WTAP: variants seen among roughly 807,000 people sequenced by gnomAD.
WTAP encodes the protein pre-mRNA-splicing regulator WTAP.
In WTAP, 8 loss-of-function variants were observed where a neutral mutation model predicts 50.0. The observed-to-expected ratio is 0.16, with a 90% CI of 0.09 to 0.29. The LOEUF (loss-of-function observed/expected upper bound fraction) is 0.29, where lower values mean the gene tolerates loss of function less well. WTAP is among the 10% of genes least tolerant of loss of function. The pLI, the probability that WTAP is intolerant of heterozygous loss-of-function variation, is 1.00. For missense variants in WTAP, 295 were observed against 470.7 expected (o/e 0.63, Z 3.45); for synonymous variants, 194 against 169.0 (o/e 1.15, Z -1.15).
intron 6 of WTAP, 94 bp from the exon 7 acceptor site, chr6:159,753,365 AT>A (rs778187390): frequency 1.3e-6 from 2 of 1,531,048 alleles, no homozygotes; most frequent in Non-Finnish European, 1.8e-6. Flanking sequence ...TGATATAGTT[AT>A]GTTTGTATGT....
intron 7 of WTAP, 36 bp downstream of exon 7, chr6:159,753,650 A>G (rs764819544): frequency 8.3e-6 from 13 of 1,572,758 alleles, no homozygotes; most frequent in East Asian, 2.2e-5. Context: ...CGTTGTCTCA[A>G]CTTTGCATTG....
chr6:159,741,912 G>A (rs927724360), intron 3 of WTAP, 176 bp from the exon 4 acceptor site: 4 of 506,824 alleles, frequency 7.9e-6, no homozygotes, highest in African/African-American at 2.0e-5. Context: ...TTTGCGCCAC[G>A]CTGCACTCCA....
intron 5 of WTAP, among the ~76,000 whole-genome samples, chr6:159,744,975 C>G (rs1040443432): frequency 1.3e-5 from 2 of 152,230 alleles, no homozygotes; most frequent in African/African-American, 4.8e-5. Context: ...GCCATCGCAC[C>G]TGGCCCATTA....
rs373091555 is a variant in WTAP, at chr6:159,742,157, G to C, written c.145+11G>C. On this transcript the variant is annotated intron_variant, in intron 4 of 7. Transcript: ENST00000621533. ...ACACAGATCTTAACTGTAAGTTTGA[G>C]TTTTAGCTTCCTAAAGACTGAATAA... 1.1e-4 allele frequency: 174 copies of C among 1,595,878 alleles called. No homozygotes were observed. In the African/African-American group the frequency reaches 2.0e-3, roughly 19 times the overall value.
At chr6:159,753,852 T>C (rs1583109834) in intron 7 of WTAP, among the ~76,000 whole-genome samples, 2 of 152,338 alleles carry the variant, frequency 1.3e-5, no homozygotes, top group South Asian at 2.1e-4. Flanking sequence ...TTTTTGTTTT[T>C]AGTTGGGGGT....
intron 1 of WTAP, among the ~76,000 whole-genome samples, chr6:159,732,046 C>T (rs1180552982): frequency 6.6e-6 from 1 of 152,102 alleles, no homozygotes; most frequent in Non-Finnish European, 1.5e-5. Flanking sequence ...TTGCCAAAAT[C>T]CTGGCATAGG....
At chr6:159,747,309 G>A (rs566957760) in intron 5 of WTAP, among the ~76,000 whole-genome samples, 1 of 152,280 alleles carries the variant, frequency 6.6e-6, no homozygotes, top group East Asian at 1.9e-4. Flanking sequence ...GTTCTGGTAT[G>A]GTGGAAAAAG....
In WTAP at chr6:159,740,641, A is replaced by G. The variant is rs78761068; in HGVS notation, c.87-1447A>G. Among the ~76,000 whole-genome samples the G allele has an allele frequency of 5.5e-3, 842 of 151,912 alleles. 11 individuals are homozygous for G. Among genetic ancestry groups the G allele is most frequent in the Middle Eastern group, 6.9e-3 (2 of 290 alleles). ...AAATAAAGCATGGCCTTGGCTGAAC[A>G]TCAGTGTTTACATAGAAAGTGGATT... On this transcript the variant is annotated intron_variant, in intron 3 of 7. Transcript: ENST00000621533.
chr6:159,737,358 A>G (rs778654736), intron 2 of WTAP, among the ~76,000 whole-genome samples: 1 of 152,070 alleles, frequency 6.6e-6, no homozygotes, highest in Non-Finnish European at 1.5e-5. Flanking sequence ...GCCTTTCAAT[A>G]TGTTACATTA....
intron 4 of WTAP, among the ~76,000 whole-genome samples, 173 bp downstream of exon 4, chr6:159,742,319 TCTCAGTCATTGGAGAAGA>T (rs1192376890): frequency 6.6e-6 from 1 of 152,186 alleles, no homozygotes; most frequent in African/African-American, 2.4e-5. Flanking sequence ...TGAGACACAG[TCTCAGTCATTGGAGAAGA>T]CAGAGGTGTA....
rs1778517881 is a variant in WTAP at position 159,730,783 on chromosome 6, T to C, written c.-9+3080T>C. On this transcript the variant is annotated intron_variant, in intron 1 of 7. Transcript: ENST00000621533. ...AGTTGACTTAGGAAGTGTAGACATTTATCCAAAATCTGTATTTACTCCTGA... is the reference window on the plus strand; with the variant it reads ...AGTTGACTTAGGAAGTGTAGACATTCATCCAAAATCTGTATTTACTCCTGA... 5 of 152,238 alleles carry C rather than the reference T, an allele frequency of 3.3e-5. 1 individual carries two copies. In the South Asian group the frequency reaches 8.3e-4, roughly 25 times the overall value. The allele number at this position is 152,238 out of a possible 1,614,324, so 9.4% of individuals were successfully genotyped here. A position where few individuals can be genotyped will look rare whatever the true frequency, so the allele number is the denominator to read the frequency against.
At chr6:159,727,774 C>A (rs1159402584) in intron 1 of WTAP, 71 bp downstream of exon 1, 1 of 971,388 alleles carries the variant, frequency 1.0e-6, no homozygotes, top group Admixed American at 6.2e-5. Flanking sequence ...GCGCAGCCGC[C>A]CCCGGCGGGT....
Position 159,727,630 on chromosome 6 carries a change from C to G in WTAP, c.-82C>G, listed in dbSNP as rs980020916. On this transcript the variant is annotated 5_prime_UTR_variant, in exon 1 of 8. Transcript: ENST00000621533. ...TCCGGCTGCGCGGTGGCCCGGGGGG[C>G]CCGGGCGGCAGGGCAAGCAGCGCGG... is the stretch of plus-strand genomic sequence containing the variant. 2.0e-6 allele frequency: 2 copies of G among 985,790 alleles called. No homozygotes were observed. Among genetic ancestry groups the G allele is most frequent in the Non-Finnish European group, 2.4e-6 (2 of 830,530 alleles). The allele number at this position is 985,790 out of a possible 1,614,324, so 61.1% of individuals were successfully genotyped here.
rs376294382 is a variant in WTAP, at chr6:159,748,142, T to C, written c.274-49T>C. On this transcript the variant is annotated intron_variant, in intron 5 of 7. Coordinates refer to ENST00000621533, the MANE Select transcript of WTAP (RefSeq NM_001270531.2). The surrounding 1 kb of genome is among the most constrained non-coding windows in gnomAD (Gnocchi z 5.6). Reference sequence around the variant, plus strand: ...GGAGGGAGTTTTCCCCACCTTCTTATGTATGTTTCCTTTGATTTGGTCGTA... The same window carrying C: ...GGAGGGAGTTTTCCCCACCTTCTTACGTATGTTTCCTTTGATTTGGTCGTA... 139 of 1,555,700 alleles carry C rather than the reference T, an allele frequency of 8.9e-5. No homozygotes were observed. The African/African-American group carries it at 1.2e-3, about 13-fold the overall frequency.
At chr6:159,743,862 A>C (rs1402551498) in intron 5 of WTAP, 70 bp downstream of exon 5, 3 of 1,432,068 alleles carry the variant, frequency 2.1e-6, no homozygotes, top group African/African-American at 1.4e-5. Context: ...ATTACATGTT[A>C]ATTTTAAACA....
At chr6:159,733,228 G>A (rs1778697187) in intron 1 of WTAP, among the ~76,000 whole-genome samples, 1 of 152,172 alleles carries the variant, frequency 6.6e-6, no homozygotes, top group African/African-American at 2.4e-5. Flanking sequence ...GTCTTCATAG[G>A]ACAGAGTGAC....
chr6:159,736,155 T>C, intron 1 of WTAP, 103 bp from the exon 2 acceptor site: 2 of 1,125,752 alleles, frequency 1.8e-6, no homozygotes, highest in Non-Finnish European at 2.6e-6. Flanking sequence ...TCAACAGTAA[T>C]TTAGTTCACT....
intron 1 of WTAP, among the ~76,000 whole-genome samples, chr6:159,732,270 C>G (rs1441955353): frequency 6.6e-6 from 1 of 152,092 alleles, no homozygotes; most frequent in Admixed American, 6.6e-5. Flanking sequence ...GAACAGCATC[C>G]ATGATACTTT....
At chr6:159,745,114 G>T (rs1283823420) in intron 5 of WTAP, 1 of 152,080 alleles carries the variant, frequency 6.6e-6, no homozygotes, top group South Asian at 2.1e-4. Context: ...CCCTTTACAC[G>T]AGAAATGGAT....
Sources: allele counts gnomAD v4.1 joint callset (sites outside exome capture counted in the v4.1 genomes callset), GRCh38; gene constraint gnomAD v4.1.1; non-coding constraint Gnocchi (gnomAD v3.1); transcripts MANE v1.5; gene names NCBI Gene and HGNC (gene_info 2026-07-23, HGNC 2026-07-21).